The following CPLANE1 variants were observed in gnomAD, a reference collection of about 807,000 sequenced individuals.
CPLANE1 encodes ciliogenesis and planar polarity effector complex subunit 1, also known as ciliogenesis and planar polarity effector 1.
CPLANE1 carries 263 observed loss-of-function variants against 362.5 expected under a neutral mutation model. That is an observed-to-expected ratio of 0.73 (90% CI 0.66 to 0.80). The LOEUF (loss-of-function observed/expected upper bound fraction) is 0.80, where lower values mean the gene tolerates loss of function less well. Ranked by LOEUF, CPLANE1 falls within the 30% of genes least tolerant of loss-of-function variation. The pLI is 0.00. For missense variants in CPLANE1, 3,461 were observed against 3,793.4 expected, an observed-to-expected ratio of 0.91 and a Z score of 2.30; for synonymous variants, 1,212 against 1,302.6, an observed-to-expected ratio of 0.93 and a Z score of 1.50.
At chr5:37,100,739 T>A in the CPLANE1 span, among the ~76,000 whole-genome samples, 3 of 152,184 alleles carry the variant, frequency 2.0e-5, no homozygotes, top group African/African-American at 7.2e-5. Context: ...ATTCCTCCTA[T>A]CCATGAGCAT....
At chr5:37,223,429 T>C (rs2150384349) in intron 14 of CPLANE1, among the ~76,000 whole-genome samples, 1 of 152,376 alleles carries the variant, frequency 6.6e-6, no homozygotes, top group East Asian at 1.9e-4. Context: ...TTATCCCTAG[T>C]GCCTAATACA....
chr5:37,181,128 T>A, intron 26 of CPLANE1, 123 bp from the exon 27 acceptor site: 3 of 862,614 alleles, frequency 3.5e-6, no homozygotes, highest in Non-Finnish European at 5.1e-6. Flanking sequence ...ATCAAATATT[T>A]ACTGCATTTC....
At chr5:37,085,028 A>C in the CPLANE1 span, 4 of 638,194 alleles carry the variant, frequency 6.3e-6, no homozygotes, top group Non-Finnish European at 1.1e-5. Context: ...ACCGGAAGAG[A>C]GGTCGTCTTT....
intron 44 of CPLANE1, chr5:37,141,877 T>C (rs536931705): frequency 1.3e-6 from 1 of 765,436 alleles, no homozygotes; most frequent in African/African-American, 1.9e-5. Context: ...AATAATAGTG[T>C]CTACACCTCA....
chr5:37,174,590 C>CTGTT (rs1293490496), intron 31 of CPLANE1, among the ~76,000 whole-genome samples: 1 of 151,708 alleles, frequency 6.6e-6, no homozygotes, highest in Non-Finnish European at 1.5e-5. Flanking sequence ...AACAAAATGA[C>CTGTT]TGTTGGGGGA....
At chr5:37,175,550 T>G (rs1451986650) in intron 31 of CPLANE1, among the ~76,000 whole-genome samples, 1 of 152,242 alleles carries the variant, frequency 6.6e-6, no homozygotes, top group Non-Finnish European at 1.5e-5. Context: ...AAGAACCGGA[T>G]GAGTCTGTTC....
chr5:37,210,445 A>G, intron 16 of CPLANE1: 1 of 1,041,756 alleles, frequency 9.6e-7, no homozygotes, highest in Non-Finnish European at 1.5e-6. Flanking sequence ...AAGGACGACT[A>G]CATCATTAGA....
chr5:37,115,018 A>C lies in CPLANE1; in HGVS notation c.9342T>G (p.Ala3114=), dbSNP rs1277521002. Residue 3114 remains alanine, a synonymous_variant, in exon 51 of 53, where the codon GCT becomes GCG. Coordinates refer to ENST00000651892, the MANE Select transcript of CPLANE1 (RefSeq NM_001384732.1). Reference sequence around the variant, plus strand: ...TTCTTACTGCTGCTTTGGCTCCACCAGCTTTTTTCTGTATGGTGAAAGTGG... The same window carrying C: ...TTCTTACTGCTGCTTTGGCTCCACCCGCTTTTTTCTGTATGGTGAAAGTGG... ...GTATFTIQKK[A]GGAKAAVRKA... The C allele has an allele frequency of 1.9e-6, 3 of 1,610,950 alleles. No individual in the cohort carries two copies. The highest frequency in any genetic ancestry group is 2.5e-6 in the Non-Finnish European group (3 of 1,178,082).
At chr5:37,232,453 G>A (rs1248135227) in intron 8 of CPLANE1, among the ~76,000 whole-genome samples, 6 of 150,734 alleles carry the variant, frequency 4.0e-5, no homozygotes, top group Non-Finnish European at 7.4e-5. Flanking sequence ...AGAAGCAGAG[G>A]TTGCAGTGAG....
Position 37,167,144 on chromosome 5 carries a change from G to A in CPLANE1, c.7303C>T (p.His2435Tyr). 6.2e-7 allele frequency: 1 copy of A among 1,613,354 alleles called. No homozygotes were observed. The highest frequency in any genetic ancestry group is 8.5e-7 in the Non-Finnish European group (1 of 1,179,652). ...AFKQSQQKLT[H>Y]NLFEQGDAGH... ...GCATCACCTTGTTCAAATAAATTAT[G>A]TGTTAGTTTCTGTTGGCTTTGTTTA... is the stretch of plus-strand genomic sequence containing the variant. Residue 2435 changes from histidine to tyrosine, a missense_variant, in exon 35 of 53, where the codon CAT becomes TAT. Around this residue, in one of 2 missense-constraint regions of CPLANE1, gnomAD observed 3,380 missense variants for 3,666.1 expected, o/e 0.92. Transcript: ENST00000651892.
rs6879750 is a variant in CPLANE1, at chr5:37,176,043, G to A, written c.5901-57C>T. 2,536 of 1,134,482 alleles carry A rather than the reference G, an allele frequency of 2.2e-3. 36 individuals are homozygous for A. The African/African-American group carries it at 0.033, about 15-fold the overall frequency. 70.3% of individuals were successfully genotyped at this position (1,134,482 alleles called of 1,614,324 possible). A position where few individuals can be genotyped will look rare whatever the true frequency, so the allele number is the denominator to read the frequency against. On this transcript the variant is annotated intron_variant, in intron 30 of 52. Coordinates refer to ENST00000651892, the MANE Select transcript of CPLANE1 (RefSeq NM_001384732.1). ...GCAAGATATTCTTTGCATTATCTAAGGTATGAGTGATCTATGCTCAGCCAT... is the reference window on the plus strand; with the variant it reads ...GCAAGATATTCTTTGCATTATCTAAAGTATGAGTGATCTATGCTCAGCCAT...
At chr5:37,113,884 C>G (rs985313683) in intron 51 of CPLANE1, among the ~76,000 whole-genome samples, 2 of 152,194 alleles carry the variant, frequency 1.3e-5, no homozygotes, top group Non-Finnish European at 2.9e-5. Flanking sequence ...GCAATTTCGG[C>G]TCACTGCAAC....
At chr5:37,180,809 C>G (rs1187007737) in intron 27 of CPLANE1, 48 bp downstream of exon 27, 5 of 1,574,746 alleles carry the variant, frequency 3.2e-6, no homozygotes, top group Non-Finnish European at 4.4e-6. Context: ...CAAATGCCAT[C>G]AAACTACATG....
At chr5:37,143,991 A>G (rs1770627664) in intron 43 of CPLANE1, among the ~76,000 whole-genome samples, 1 of 151,740 alleles carries the variant, frequency 6.6e-6, no homozygotes, top group Non-Finnish European at 1.5e-5. Flanking sequence ...ACATGCCTCT[A>G]TTAGGTGTTT....
intron 9 of CPLANE1, among the ~76,000 whole-genome samples, chr5:37,229,555 T>TAAATAAATA (rs757943512): frequency 1.4e-5 from 2 of 146,152 alleles, no homozygotes; most frequent in African/African-American, 5.2e-5. Context: ...AATAAATAAA[T>TAAATAAATA]AATAAATATA....
rs1343122552 is a variant in CPLANE1 at position 37,227,379 on chromosome 5, C to T, written c.1385G>A (p.Gly462Glu). The change falls in exon 11 of 53, where the codon GGA becomes GAA. Residue 462 changes from glycine to glutamate, a missense_variant. This residue lies in a region of CPLANE1 where 3,380 missense variants were observed against 3,666.1 expected (regional missense o/e 0.92). Transcript: ENST00000651892. ...GGAATTCAGTGATCGCAAGTTCAGT[C>T]CTTTGCCTTTTGGCTAAAGAAGAAA... The part of the protein sequence containing the change: ...SVILSKPKGK[G>E]LNLRSLNSLR... 3 of 1,532,596 alleles carry T rather than the reference C, an allele frequency of 2.0e-6. No homozygotes were observed. The African/African-American group carries it at 4.2e-5, about 21-fold the overall frequency. 94.9% of individuals were successfully genotyped at this position (1,532,596 alleles called of 1,614,324 possible). A position where few individuals can be genotyped will look rare whatever the true frequency, so the allele number is the denominator to read the frequency against.
intron 46 of CPLANE1, among the ~76,000 whole-genome samples, chr5:37,138,294 T>C (rs1196036401): frequency 6.6e-6 from 1 of 152,214 alleles, no homozygotes; most frequent in Non-Finnish European, 1.5e-5. Flanking sequence ...TTATGTCCCT[T>C]TCTTTGTCCT....
At position 37,147,340 on chromosome 5, in the gene CPLANE1, C is replaced by T. The variant is rs543081039; in HGVS notation, c.8461+841G>A. Among the ~76,000 whole-genome samples the T allele has an allele frequency of 2.0e-5, 3 of 152,190 alleles. No individual in the cohort carries two copies. The South Asian group carries it at 6.2e-4, about 32-fold the overall frequency. On this transcript the variant is annotated intron_variant, in intron 43 of 52. Transcript: ENST00000651892. ...AAAATGCAATGAAAATGGAAATCAA[C>T]CACAAAAACATAGCCCAATATTAGA... is the stretch of plus-strand genomic sequence containing the variant.
At chr5:37,089,441 G>A in the CPLANE1 span, among the ~76,000 whole-genome samples, 1 of 152,100 alleles carries the variant, frequency 6.6e-6, no homozygotes, top group Non-Finnish European at 1.5e-5. Context: ...CTCAAGATCC[G>A]ATTTGGGTAG....
Sources: allele counts gnomAD v4.1 joint callset (sites outside exome capture counted in the v4.1 genomes callset), GRCh38; gene constraint gnomAD v4.1.1; regional missense constraint gnomAD v4.1.1; transcripts MANE v1.5; gene names NCBI Gene and HGNC (gene_info 2026-07-23, HGNC 2026-07-21).